DENND5B: variants seen among roughly 807,000 people sequenced by gnomAD.
DENND5B encodes the protein DENN domain containing 5B.
DENND5B carries 34 observed loss-of-function variants against 140.6 expected under a neutral mutation model. That is an observed-to-expected ratio of 0.24 (90% confidence interval 0.18 to 0.32). DENND5B has a LOEUF of 0.32. DENND5B is among the 10% of genes least tolerant of loss of function. The probability of loss-of-function intolerance (pLI) is 1.00; values close to 1 mark genes in which losing one functional copy is unlikely to be tolerated. For missense variants in DENND5B, 1,142 were observed against 1,560.2 expected (o/e 0.73, Z 4.52); for synonymous variants, 551 against 562.1 (o/e 0.98, Z 0.28).
chr12:31,468,451 T>C (rs187554506), intron 3 of DENND5B, among the ~76,000 whole-genome samples: 4 of 151,818 alleles, frequency 2.6e-5, no homozygotes, highest in African/African-American at 9.7e-5. Flanking sequence ...AAACCATAAA[T>C]TAATAAAACA....
chr12:31,497,946 G>GGAGGA (rs1450659977), intron 1 of DENND5B, among the ~76,000 whole-genome samples: 1 of 99,232 alleles, frequency 1.0e-5, no homozygotes, highest in East Asian at 3.5e-4. Flanking sequence ...GAGGGGGCGG[G>GGAGGA]GAGGAGAGGG....
At chr12:31,432,156 A>G (rs995015579) in intron 8 of DENND5B, 3 of 984,186 alleles carry the variant, frequency 3.0e-6, no homozygotes, top group Non-Finnish European at 3.6e-6. Flanking sequence ...CCGGAAGGCT[A>G]AGAGGATGGA....
At chr12:31,501,152 C>T (rs907135508) in intron 1 of DENND5B, among the ~76,000 whole-genome samples, 2 of 152,180 alleles carry the variant, frequency 1.3e-5, no homozygotes, top group African/African-American at 2.4e-5. Context: ...CCCCACACAC[C>T]GTGGGAGGGA....
intron 12 of DENND5B, 52 bp from the exon 13 acceptor site, chr12:31,413,616 TAGAAA>T (rs1241473388): frequency 6.4e-7 from 1 of 1,572,300 alleles, no homozygotes; most frequent in Admixed American, 1.8e-5. Flanking sequence ...TAACCCTGAC[TAGAAA>T]AGAAGTAAAG....
chr12:31,579,493 T>C (rs2098566341), intron 1 of DENND5B, among the ~76,000 whole-genome samples: 1 of 151,898 alleles, frequency 6.6e-6, no homozygotes, highest in African/African-American at 2.4e-5. Flanking sequence ...AAACCCCTTC[T>C]CTACTAAAAA....
At chr12:31,513,412 G>A (rs904497490) in intron 1 of DENND5B, among the ~76,000 whole-genome samples, 11 of 152,114 alleles carry the variant, frequency 7.2e-5, no homozygotes, top group Non-Finnish European at 1.5e-4. Context: ...CCTCTTGAGG[G>A]TAAAGTACGT....
chr12:31,522,693 C>T (rs148760352), intron 1 of DENND5B, among the ~76,000 whole-genome samples: 5 of 152,270 alleles, frequency 3.3e-5, no homozygotes, highest in Admixed American at 6.5e-5. Flanking sequence ...GACACACCTG[C>T]CCTGGCCTCA....
chr12:31,439,001 AATTTT>A (rs1943907013), intron 7 of DENND5B, among the ~76,000 whole-genome samples: 1 of 152,214 alleles, frequency 6.6e-6, no homozygotes, highest in African/African-American at 2.4e-5. Context: ...TGGCCTACTT[AATTTT>A]ATTTTCAAAA....
intron 1 of DENND5B, among the ~76,000 whole-genome samples, chr12:31,557,814 C>CAAAAAAAAA (rs71445804): frequency 2.5e-5 from 2 of 80,978 alleles, no homozygotes; most frequent in African/African-American, 4.5e-5. Context: ...GCTGTGGTGG[C>CAAAAAAAAA]AAAAAAAAAA....
intron 3 of DENND5B, among the ~76,000 whole-genome samples, chr12:31,478,450 A>T (rs1423503821): frequency 2.0e-5 from 3 of 152,218 alleles, no homozygotes; most frequent in Non-Finnish European, 4.4e-5. Flanking sequence ...CATGCCTGTA[A>T]TTCCAGCACT....
At chr12:31,413,246 T>A (rs974204954) in intron 13 of DENND5B, among the ~76,000 whole-genome samples, 190 bp downstream of exon 13, 15 of 152,180 alleles carry the variant, frequency 9.9e-5, no homozygotes, top group African/African-American at 3.6e-4. Flanking sequence ...TTAAATTTGG[T>A]GTGTCCCCCC....
chr12:31,552,038 T>G (rs1241233583), intron 1 of DENND5B, among the ~76,000 whole-genome samples: 1 of 152,194 alleles, frequency 6.6e-6, no homozygotes, highest in Non-Finnish European at 1.5e-5. Context: ...CCTCTTTTCC[T>G]AATTGAATAC....
intron 1 of DENND5B, among the ~76,000 whole-genome samples, chr12:31,549,537 T>A (rs533958530): frequency 1.3e-4 from 20 of 152,234 alleles, no homozygotes; most frequent in South Asian, 8.3e-4. Flanking sequence ...CTATTTTTTT[T>A]AATTTTTATT....
At chr12:31,566,078 G>T (rs1379767308) in intron 1 of DENND5B, among the ~76,000 whole-genome samples, 1 of 152,176 alleles carries the variant, frequency 6.6e-6, no homozygotes, top group Non-Finnish European at 1.5e-5. Flanking sequence ...CCAGAAGGTG[G>T]AGATGGCAGT....
chr12:31,517,881 T>C (rs148393769), intron 1 of DENND5B, among the ~76,000 whole-genome samples: 33 of 152,350 alleles, frequency 2.2e-4, no homozygotes, highest in African/African-American at 7.5e-4. Flanking sequence ...TATCCTTTAC[T>C]GTGCCTTTCT....
intron 8 of DENND5B, among the ~76,000 whole-genome samples, chr12:31,430,955 T>C (rs1039569997): frequency 1.3e-5 from 2 of 152,048 alleles, no homozygotes; most frequent in South Asian, 2.1e-4. Context: ...CCTCTGCAAA[T>C]TGCAAAAACA....
chr12:31,447,465 C>T (rs1050938971), intron 6 of DENND5B, 73 bp downstream of exon 6: 11 of 1,331,914 alleles, frequency 8.3e-6, no homozygotes, highest in East Asian at 2.4e-5. Context: ...TTTTGTTGTA[C>T]GTAAGGCCAG....
At chr12:31,487,216 A>C (rs1389374907) in intron 2 of DENND5B, among the ~76,000 whole-genome samples, 1 of 152,234 alleles carries the variant, frequency 6.6e-6, no homozygotes, top group Non-Finnish European at 1.5e-5. Flanking sequence ...TTTGGATAGA[A>C]TGAGATATAG....
At chr12:31,490,061 A>G (rs1321209274) in intron 2 of DENND5B, among the ~76,000 whole-genome samples, 1 of 152,054 alleles carries the variant, frequency 6.6e-6, no homozygotes, top group African/African-American at 2.4e-5. Context: ...TATATGGGAG[A>G]GGGTGAGTAA....
Sources: gnomAD v4.1 joint callset for allele counts (sites outside exome capture counted in the v4.1 genomes callset) on GRCh38, gnomAD v4.1.1 for gene constraint, MANE v1.5 for transcripts, NCBI Gene and HGNC (gene_info 2026-07-23, HGNC 2026-07-21) for gene names.